The following ANO2 variants were observed in gnomAD, a reference collection of about 807,000 sequenced individuals.
ANO2 encodes anoctamin 2.
Under a neutral mutation model 124.2 loss-of-function variants are expected in ANO2, and 101 were observed. The observed-to-expected ratio is 0.81, with a 90% CI of 0.69 to 0.96. The LOEUF is 0.96. ANO2 is among the 40% of genes least tolerant of loss of function. The pLI is 0.00. For synonymous variants in ANO2, 486 were observed against 482.5 expected, an observed-to-expected ratio of 1.01 and a Z score of -0.09; for missense variants, 1,293 against 1,274.5, an observed-to-expected ratio of 1.01 and a Z score of -0.22.
chr12:5,902,518 G>C (rs1324962690), intron 3 of ANO2, among the ~76,000 whole-genome samples: 1 of 139,632 alleles, frequency 7.2e-6, no homozygotes, highest in Non-Finnish European at 1.5e-5. Context: ...GAGCCCAGGA[G>C]TTAGAGGTTT....
intron 10 of ANO2, among the ~76,000 whole-genome samples, chr12:5,791,855 T>C (rs1024809394): frequency 1.3e-5 from 2 of 152,232 alleles, no homozygotes; most frequent in African/African-American, 4.8e-5. Context: ...AGGAACCATA[T>C]GAAATTCCAC....
At chr12:5,691,062 G>A (rs1183890993) in intron 14 of ANO2, among the ~76,000 whole-genome samples, 1 of 152,126 alleles carries the variant, frequency 6.6e-6, no homozygotes. Flanking sequence ...AGGTGCGGTG[G>A]CTCACGCCTG....
intron 16 of ANO2, among the ~76,000 whole-genome samples, chr12:5,618,084 G>A (rs1944923906): frequency 6.6e-6 from 1 of 152,180 alleles, no homozygotes; most frequent in Admixed American, 6.5e-5. Flanking sequence ...GCATCAACTG[G>A]GGTTCAGTCC....
chr12:5,636,605 T>TACACACACACACACACACACACAC lies in ANO2; in HGVS notation c.1621-1282_1621-1259dup, dbSNP rs61059041. Among the ~76,000 whole-genome samples the TACACACACACACACACACACACAC allele has an allele frequency of 8.4e-6, 1 of 118,490 alleles. No individual in the cohort carries two copies. 77.7% of individuals were successfully genotyped at this position (118,490 alleles called of 152,430 possible). ...CCTGAAAAAATAAGCTGTGCTGGAC[T>TACACACACACACACACACACACAC]ACACACACACACACACACACACACA... On this transcript the variant is annotated intron_variant, in intron 15 of 24. Transcript: ENST00000682330. The surrounding 1 kb of genome is among the most constrained non-coding windows in gnomAD (Gnocchi z 4.6).
intron 22 of ANO2, among the ~76,000 whole-genome samples, 182 bp from the exon 23 acceptor site, chr12:5,576,197 T>A (rs1487914510): frequency 1.3e-5 from 2 of 152,214 alleles, no homozygotes; most frequent in African/African-American, 2.4e-5. Flanking sequence ...TGTATAAGTA[T>A]AATAAGTCCA....
At chr12:5,703,018 G>C (rs1203603085) in intron 14 of ANO2, among the ~76,000 whole-genome samples, 1 of 152,064 alleles carries the variant, frequency 6.6e-6, no homozygotes, top group Admixed American at 6.5e-5. Flanking sequence ...TTCTAACATA[G>C]ACGCCTCCAA....
intron 7 of ANO2, among the ~76,000 whole-genome samples, chr12:5,812,322 AGGG>A (rs1591645002): frequency 2.6e-5 from 2 of 77,990 alleles, no homozygotes; most frequent in East Asian, 5.9e-4. Context: ...GAAGGAAGGG[AGGG>A]AGGGAGGGAA....
chr12:5,776,796 T>C (rs1182374668), intron 10 of ANO2, among the ~76,000 whole-genome samples: 1 of 152,226 alleles, frequency 6.6e-6, no homozygotes, highest in Non-Finnish European at 1.5e-5. Context: ...GGAATCTACA[T>C]GTAGAATTTC....
In ANO2 at chr12:5,579,517, A is replaced by G. The variant is rs113344508; in HGVS notation, c.2234-999T>C. Among the ~76,000 whole-genome samples, 823 of 152,268 alleles carry G rather than the reference A, an allele frequency of 5.4e-3. 19 individuals are homozygous for G. Among genetic ancestry groups the G allele is most frequent in the African/African-American group, 0.019 (771 of 41,552 alleles). ...AGCCCATGCCCATGAGACAGCTGGAAAGAGTCCAGCCCTACCTGGACCATT... is the reference window on the plus strand; with the variant it reads ...AGCCCATGCCCATGAGACAGCTGGAGAGAGTCCAGCCCTACCTGGACCATT... On this transcript the variant is annotated intron_variant, in intron 20 of 24. Transcript: ENST00000682330.
At chr12:5,681,269 C>T (rs1948477205) in intron 14 of ANO2, among the ~76,000 whole-genome samples, 1 of 152,206 alleles carries the variant, frequency 6.6e-6, no homozygotes, top group African/African-American at 2.4e-5. Flanking sequence ...TATGTGGTCT[C>T]AGTGTTATCT....
rs1357290791 is a variant in ANO2 at position 5,761,991 on chromosome 12, T to C, written c.1056-11021A>G. ...CTAGCTTTGATGTTTTATGAAATTTTCATGAGTAATCCAAGCATAATTGTT... is the reference window on the plus strand; with the variant it reads ...CTAGCTTTGATGTTTTATGAAATTTCCATGAGTAATCCAAGCATAATTGTT... On this transcript the variant is annotated intron_variant, in intron 10 of 24. Transcript: ENST00000682330. 2.0e-5 allele frequency among the ~76,000 whole-genome samples: 3 copies of C among 152,288 alleles called. No homozygotes were observed. The East Asian group carries it at 5.8e-4, about 29-fold the overall frequency.
In ANO2 at chr12:5,807,351, C is replaced by G. The variant is rs752172270; in HGVS notation, c.910G>C (p.Ala304Pro). 7.7e-6 allele frequency: 12 copies of G among 1,556,532 alleles called. No individual in the cohort carries two copies. Among genetic ancestry groups the G allele is most frequent in the Non-Finnish European group, 1.0e-5 (12 of 1,149,708 alleles). Reference protein sequence around the residue: ...NNTMGINSLIANNIYEAAYPL... With the variant: ...NNTMGINSLIPNNIYEAAYPL... ...TAGGCAGCCTCATAGATATTGTTTGCGATCAGAGAGTTAATACCTACGGAA... is the reference window on the plus strand; with the variant it reads ...TAGGCAGCCTCATAGATATTGTTTGGGATCAGAGAGTTAATACCTACGGAA... The change falls in exon 8 of 25, where the codon GCA becomes CCA. Residue 304 changes from alanine (A) to proline (P), a missense_variant. Ala to Pro is a conservative substitution (Grantham distance 27, BLOSUM62 -1). Transcript: ENST00000682330.
intron 4 of ANO2, among the ~76,000 whole-genome samples, chr12:5,852,712 C>T (rs186997470): frequency 6.6e-6 from 1 of 152,192 alleles, no homozygotes; most frequent in East Asian, 1.9e-4. Context: ...CAGGTGATCA[C>T]AGTGGTGGTA....
At chr12:5,640,394 G>T (rs1048010890) in intron 15 of ANO2, among the ~76,000 whole-genome samples, 3 of 152,056 alleles carry the variant, frequency 2.0e-5, no homozygotes, top group Non-Finnish European at 4.4e-5. Flanking sequence ...CTTGTTCTAG[G>T]GTAATGCTAA....
At chr12:5,886,420 G>A (rs1180569575) in intron 3 of ANO2, among the ~76,000 whole-genome samples, 1 of 152,186 alleles carries the variant, frequency 6.6e-6, no homozygotes. Context: ...GGGGCTGAGG[G>A]GAAATGGAGA....
At position 5,577,936 on chromosome 12, in the gene ANO2, C is replaced by G; in HGVS notation, c.2439+19G>C. ...AGCCCTTCCCACAGAGCGAGTGTGT[C>G]ATGAATGCAAGTACTTACGTTGCTG... On this transcript the variant is annotated intron_variant, in intron 22 of 24. Transcript: ENST00000682330. The G allele has an allele frequency of 6.2e-7, 1 of 1,611,662 alleles. No individual in the cohort carries two copies. The highest frequency in any genetic ancestry group is 1.1e-5 in the South Asian group (1 of 90,814).
chr12:5,631,347 A>G (rs1694977950), intron 16 of ANO2, among the ~76,000 whole-genome samples: 1 of 152,118 alleles, frequency 6.6e-6, no homozygotes, highest in African/African-American at 2.4e-5. Flanking sequence ...TCTGGGTCTC[A>G]GCTATAAAGC....
intron 14 of ANO2, among the ~76,000 whole-genome samples, chr12:5,704,181 G>T (rs374408847): frequency 3.9e-5 from 6 of 152,302 alleles, no homozygotes; most frequent in Admixed American, 3.3e-4. Context: ...TTGTAGAATT[G>T]CAATTAAATA....
At chr12:5,619,607 G>A (rs1463834514) in intron 16 of ANO2, among the ~76,000 whole-genome samples, 3 of 152,086 alleles carry the variant, frequency 2.0e-5, no homozygotes, top group African/African-American at 7.2e-5. Context: ...CCAAGCCTGG[G>A]CCTTAATTTT....
Sources: allele counts gnomAD v4.1 joint callset (sites outside exome capture counted in the v4.1 genomes callset), GRCh38; gene constraint gnomAD v4.1.1; non-coding constraint Gnocchi (gnomAD v3.1); transcripts MANE v1.5; gene names NCBI Gene and HGNC (gene_info 2026-07-23, HGNC 2026-07-21).